SLCO6A1: variants seen among roughly 807,000 people sequenced by gnomAD.
SLCO6A1 encodes the protein cancer/testis antigen 48.
A neutral mutation model predicts 72.7 loss-of-function variants in SLCO6A1; 65 were observed. That is an observed-to-expected ratio of 0.89 (90% CI 0.73 to 1.10). The LOEUF (loss-of-function observed/expected upper bound fraction) is 1.10, where lower values mean the gene tolerates loss of function less well. Ranked by LOEUF, SLCO6A1 falls within the 50% of genes least tolerant of loss-of-function variation. The pLI is 0.00. For synonymous variants in SLCO6A1, 314 were observed against 298.2 expected, an observed-to-expected ratio of 1.05 and a Z score of -0.55; for missense variants, 874 against 872.6, an observed-to-expected ratio of 1.00 and a Z score of -0.02.
At chr5:102,414,600 G>A (rs1748171246) in intron 8 of SLCO6A1, among the ~76,000 whole-genome samples, 1 of 152,144 alleles carries the variant, frequency 6.6e-6, no homozygotes, top group East Asian at 1.9e-4. Context: ...AAATCTAGCT[G>A]AGAACAAGCC....
At chr5:102,395,162 G>A (rs892757735) in intron 10 of SLCO6A1, among the ~76,000 whole-genome samples, 1 of 151,970 alleles carries the variant, frequency 6.6e-6, no homozygotes, top group African/African-American at 2.4e-5. Flanking sequence ...TTAGCATTAG[G>A]TATATCTCCT....
chr5:102,498,489 T>G lies in SLCO6A1; in HGVS notation c.356A>C (p.Gln119Pro). ...MIFYCILLIC[Q>P]GVVFGLIDVS... ...CAAACCGCCTCCTTCAGGCTCACCTTGACATATGAGCAGGATGCAGTAGAA... is the reference window on the plus strand; with the variant it reads ...CAAACCGCCTCCTTCAGGCTCACCTGGACATATGAGCAGGATGCAGTAGAA... The change falls in exon 1 of 14, where the codon CAA becomes CCA. Residue 119 changes from glutamine to proline, a missense_variant and splice_region_variant. Transcript: ENST00000506729. 1 of 1,610,644 alleles carries G rather than the reference T, an allele frequency of 6.2e-7. No individual in the cohort carries two copies. Among genetic ancestry groups the G allele is most frequent in the Non-Finnish European group, 8.5e-7 (1 of 1,177,942 alleles).
At chr5:102,470,085 C>T (rs955030014) in intron 4 of SLCO6A1, among the ~76,000 whole-genome samples, 2 of 152,078 alleles carry the variant, frequency 1.3e-5, no homozygotes, top group African/African-American at 4.8e-5. Context: ...ATTTTCGCAT[C>T]GATGTTCATC....
chr5:102,377,642 T>C (rs1359996906), intron 12 of SLCO6A1, among the ~76,000 whole-genome samples: 3 of 151,902 alleles, frequency 2.0e-5, no homozygotes, highest in East Asian at 1.9e-4. Context: ...GATATATATA[T>C]ATATCTATAG....
chr5:102,388,635 T>C, intron 12 of SLCO6A1, 53 bp downstream of exon 12: 1 of 1,280,302 alleles, frequency 7.8e-7, no homozygotes, highest in East Asian at 2.6e-5. Flanking sequence ...TTAACAACCA[T>C]AACTTTTAGA....
chr5:102,405,802 A>T (rs1747638934), intron 9 of SLCO6A1, among the ~76,000 whole-genome samples: 2 of 152,012 alleles, frequency 1.3e-5, no homozygotes, highest in Admixed American at 6.6e-5. Context: ...TTTAAGTACA[A>T]TTTTTTTAAA....
At chr5:102,383,227 C>T (rs1021077649) in intron 12 of SLCO6A1, among the ~76,000 whole-genome samples, 1 of 150,928 alleles carries the variant, frequency 6.6e-6, no homozygotes, top group African/African-American at 2.4e-5. Context: ...TTAGGACTTC[C>T]CACACATATT....
chr5:102,430,818 T>C (rs553092965), intron 7 of SLCO6A1, among the ~76,000 whole-genome samples: 2 of 152,130 alleles, frequency 1.3e-5, no homozygotes, highest in East Asian at 1.9e-4. Flanking sequence ...TAGAATGAGA[T>C]GGGCAGGAGT....
At chr5:102,393,328 T>C (rs1179369791) in intron 10 of SLCO6A1, among the ~76,000 whole-genome samples, 1 of 152,182 alleles carries the variant, frequency 6.6e-6, no homozygotes, top group Non-Finnish European at 1.5e-5. Flanking sequence ...CCTGATCTAA[T>C]CAGTGTTATT....
chr5:102,492,861 G>A (rs901785022), intron 1 of SLCO6A1, among the ~76,000 whole-genome samples: 7 of 152,200 alleles, frequency 4.6e-5, no homozygotes, highest in African/African-American at 1.7e-4. Context: ...CATTGCTGAG[G>A]CTTGAGTAGG....
At chr5:102,390,490 T>C (rs1176821180) in intron 11 of SLCO6A1, among the ~76,000 whole-genome samples, 1 of 152,184 alleles carries the variant, frequency 6.6e-6, no homozygotes, top group African/African-American at 2.4e-5. Context: ...TAATGTGCAT[T>C]TGAAATCTAG....
chr5:102,418,237 T>C (rs1748400862), intron 8 of SLCO6A1, among the ~76,000 whole-genome samples: 1 of 152,036 alleles, frequency 6.6e-6, no homozygotes, highest in Non-Finnish European at 1.5e-5. Context: ...TACTTTTTGC[T>C]AATTTTTGCT....
chr5:102,406,651 TA>T (rs1353491678), intron 9 of SLCO6A1, among the ~76,000 whole-genome samples: 6 of 152,122 alleles, frequency 3.9e-5, no homozygotes, highest in Non-Finnish European at 8.8e-5. Flanking sequence ...GTAAGAATGT[TA>T]AAATAGTTAT....
intron 1 of SLCO6A1, among the ~76,000 whole-genome samples, chr5:102,491,330 C>T (rs1227489582): frequency 6.6e-6 from 1 of 152,256 alleles, no homozygotes; most frequent in Non-Finnish European, 1.5e-5. Context: ...TGGCTTCACC[C>T]AGTGGATCCC....
At chr5:102,493,387 A>G (rs1223548390) in intron 1 of SLCO6A1, among the ~76,000 whole-genome samples, 1 of 152,174 alleles carries the variant, frequency 6.6e-6, no homozygotes, top group East Asian at 1.9e-4. Flanking sequence ...TAATACAACA[A>G]ATTTTTCCTT....
At chr5:102,389,377 C>T (rs1055996957) in intron 11 of SLCO6A1, among the ~76,000 whole-genome samples, 4 of 149,644 alleles carry the variant, frequency 2.7e-5, no homozygotes, top group Middle Eastern at 3.2e-3. Context: ...TCTACATAGT[C>T]TCAGACAAAA....
At chr5:102,397,473 T>C (rs7737204) in intron 10 of SLCO6A1, among the ~76,000 whole-genome samples, 98,307 of 151,934 alleles carry the variant, frequency 0.65, 32,037 homozygotes, top group African/African-American at 0.67. Flanking sequence ...TTTAAAATCT[T>C]TTCACATTTC....
At position 102,498,762 on chromosome 5, in the gene SLCO6A1, T is replaced by A; in HGVS notation, c.83A>T (p.Gln28Leu). Residue 28 changes from glutamine to leucine, a missense_variant, in exon 1 of 14, where the codon CAG becomes CTG. Gln to Leu is a moderately radical substitution (Grantham distance 113). Transcript: ENST00000506729. ...CTTGGCCCTCCTGTCCTTAGCAGGC[T>A]GGGCCCGCGCGGCCTCCAGCGGCTC... ...GVEPLEAARAQPAKDRRAKGT... is the reference protein window; with the variant it reads ...GVEPLEAARALPAKDRRAKGT... 6.2e-7 allele frequency: 1 copy of A among 1,614,180 alleles called. No individual in the cohort carries two copies. The highest frequency in any genetic ancestry group is 2.2e-5 in the East Asian group (1 of 44,856).
chr5:102,457,397 A>T (rs573429165), intron 6 of SLCO6A1, among the ~76,000 whole-genome samples: 1 of 152,042 alleles, frequency 6.6e-6, no homozygotes, highest in Admixed American at 6.6e-5. Context: ...AACTCAAACA[A>T]ATTTACAAGA....
Sources: allele counts gnomAD v4.1 joint callset (sites outside exome capture counted in the v4.1 genomes callset), GRCh38; gene constraint gnomAD v4.1.1; transcripts MANE v1.5; gene names NCBI Gene and HGNC (gene_info 2026-07-23, HGNC 2026-07-21).